The following CNTNAP2 variants were observed in gnomAD, a reference collection of about 807,000 sequenced individuals.
The protein encoded by CNTNAP2 is contactin associated protein 2, also known as contactin-associated protein-like 2.
Under a neutral mutation model 155.2 loss-of-function variants are expected in CNTNAP2, and 98 were observed. The observed-to-expected ratio is 0.63, with a 90% confidence interval of 0.54 to 0.75. The LOEUF (loss-of-function observed/expected upper bound fraction) is 0.75. Ranked by LOEUF, CNTNAP2 falls within the 30% of genes least tolerant of loss-of-function variation. The probability of loss-of-function intolerance (pLI) is 0.00; values close to 1 mark genes in which losing one functional copy is unlikely to be tolerated. For missense variants in CNTNAP2, 1,727 were observed against 1,688.1 expected (o/e 1.02, Z -0.40); for synonymous variants, 651 against 631.2 (o/e 1.03, Z -0.47).
intron 2 of CNTNAP2, among the ~76,000 whole-genome samples, chr7:146,811,170 A>T (rs1233237535): frequency 6.6e-6 from 1 of 152,184 alleles, no homozygotes; most frequent in African/African-American, 2.4e-5. Context: ...AAGTGTTCCC[A>T]TCTCAATTTT....
chr7:146,735,987 T>C (rs1801613325), intron 1 of CNTNAP2, among the ~76,000 whole-genome samples: 3 of 152,192 alleles, frequency 2.0e-5, no homozygotes, highest in Non-Finnish European at 2.9e-5. Context: ...TTACCTATTG[T>C]ATAAGTGCAC....
intron 15 of CNTNAP2, among the ~76,000 whole-genome samples, chr7:148,040,991 G>A (rs769362784): frequency 2.8e-4 from 42 of 152,220 alleles, no homozygotes; most frequent in Middle Eastern, 6.8e-3. Flanking sequence ...ACTTTCCATC[G>A]TGACTTCTGT....
chr7:147,270,717 C>T (rs1280761661), intron 8 of CNTNAP2, among the ~76,000 whole-genome samples: 1 of 152,190 alleles, frequency 6.6e-6, no homozygotes, highest in East Asian at 1.9e-4. Flanking sequence ...AATGCCATGG[C>T]TCAGATGTGT....
At chr7:147,042,007 C>T (rs1053942012) in intron 3 of CNTNAP2, among the ~76,000 whole-genome samples, 19 of 152,052 alleles carry the variant, frequency 1.2e-4, no homozygotes, top group African/African-American at 4.3e-4. Context: ...TTTTTAGATT[C>T]TTTGTAAAAC....
At chr7:146,941,977 T>C (rs1252462464) in intron 3 of CNTNAP2, among the ~76,000 whole-genome samples, 3 of 152,056 alleles carry the variant, frequency 2.0e-5, no homozygotes, top group Non-Finnish European at 2.9e-5. Context: ...GGGGTATTCT[T>C]ATTTGTATAG....
At chr7:146,750,080 C>A (rs1222166718) in intron 1 of CNTNAP2, among the ~76,000 whole-genome samples, 2 of 152,148 alleles carry the variant, frequency 1.3e-5, no homozygotes, top group African/African-American at 4.8e-5. Flanking sequence ...CACCAGAATT[C>A]ATCTAGTAGC....
At chr7:148,105,134 T>G (rs1804179804) in intron 15 of CNTNAP2, among the ~76,000 whole-genome samples, 1 of 152,162 alleles carries the variant, frequency 6.6e-6, no homozygotes, top group Non-Finnish European at 1.5e-5. Flanking sequence ...AATAACAAGT[T>G]AGATGCAATG....
intron 1 of CNTNAP2, among the ~76,000 whole-genome samples, chr7:146,310,071 C>A (rs563248871): frequency 2.8e-4 from 42 of 152,104 alleles, no homozygotes; most frequent in Non-Finnish European, 6.0e-4. Context: ...GACAGTACTA[C>A]ATAGTGTGTC....
At chr7:148,281,434 G>A (rs887833951) in intron 21 of CNTNAP2, among the ~76,000 whole-genome samples, 12 of 152,162 alleles carry the variant, frequency 7.9e-5, no homozygotes, top group Admixed American at 7.9e-4. Flanking sequence ...TTACTATAAG[G>A]ACAGAAGCAG....
intron 1 of CNTNAP2, among the ~76,000 whole-genome samples, chr7:146,333,347 T>C (rs553010070): frequency 6.6e-6 from 1 of 152,292 alleles, no homozygotes; most frequent in African/African-American, 2.4e-5. Flanking sequence ...AGGGTGATGA[T>C]TGTAATTTAC....
chr7:146,820,687 T>G (rs1300053769), intron 2 of CNTNAP2, among the ~76,000 whole-genome samples: 2 of 152,168 alleles, frequency 1.3e-5, no homozygotes, highest in African/African-American at 4.8e-5. Context: ...TAGGTCTGCT[T>G]GGTGCAGAGC....
chr7:148,131,864 G>C (rs963615807), intron 16 of CNTNAP2, among the ~76,000 whole-genome samples: 35 of 151,792 alleles, frequency 2.3e-4, no homozygotes, highest in Non-Finnish European at 8.8e-5. Flanking sequence ...AAAAAAAGTA[G>C]ATACAATAAA....
chr7:147,820,394 T>C (rs1229767956), intron 13 of CNTNAP2, among the ~76,000 whole-genome samples: 1 of 152,258 alleles, frequency 6.6e-6, no homozygotes, highest in African/African-American at 2.4e-5. Flanking sequence ...AAATACTTTA[T>C]TCTGAATCTA....
At chr7:146,611,542 A>G (rs1799137307) in intron 1 of CNTNAP2, among the ~76,000 whole-genome samples, 1 of 152,164 alleles carries the variant, frequency 6.6e-6, no homozygotes, top group African/African-American at 2.4e-5. Flanking sequence ...GAGGTCTAAA[A>G]TCAGGTATAT....
chr7:147,978,441 A>T (rs1801468727), intron 15 of CNTNAP2, among the ~76,000 whole-genome samples: 1 of 152,080 alleles, frequency 6.6e-6, no homozygotes, highest in African/African-American at 2.4e-5. Context: ...GTTTGACATT[A>T]TTGCTATCAA....
intron 1 of CNTNAP2, among the ~76,000 whole-genome samples, chr7:146,664,783 T>A (rs1800161832): frequency 6.6e-6 from 1 of 152,180 alleles, no homozygotes; most frequent in Non-Finnish European, 1.5e-5. Flanking sequence ...TTTACTTTTT[T>A]GCAAGAAGTT....
intron 2 of CNTNAP2, among the ~76,000 whole-genome samples, chr7:146,811,575 A>T (rs1417520493): frequency 6.6e-6 from 1 of 151,998 alleles, no homozygotes; most frequent in Non-Finnish European, 1.5e-5. Context: ...ATGTTTTCAA[A>T]AAAACTCAGT....
chr7:146,320,642 G>A (rs749781547), intron 1 of CNTNAP2, among the ~76,000 whole-genome samples: 4 of 152,074 alleles, frequency 2.6e-5, no homozygotes, highest in Non-Finnish European at 4.4e-5. Context: ...GGTTTTCAAA[G>A]TGGTGGATTG....
At chr7:146,153,183 G>A (rs899819044) in intron 1 of CNTNAP2, among the ~76,000 whole-genome samples, 3 of 152,004 alleles carry the variant, frequency 2.0e-5, no homozygotes, top group African/African-American at 7.2e-5. Context: ...ATTGAACATA[G>A]TAATTAAAAA....
Sources: gnomAD v4.1 joint callset for allele counts (sites outside exome capture counted in the v4.1 genomes callset) on GRCh38, gnomAD v4.1.1 for gene constraint, MANE v1.5 for transcripts, NCBI Gene and HGNC (gene_info 2026-07-23, HGNC 2026-07-21) for gene names.